Variants in MECOM observed in about 807,000 individuals in gnomAD.
MECOM encodes the protein histone-lysine N-methyltransferase MECOM.
In MECOM, 13 loss-of-function variants were observed where a neutral mutation model predicts 116.3. The ratio of observed to expected loss-of-function variants is 0.11; its 90% CI spans 0.07 to 0.18. The LOEUF is 0.18. MECOM is among the 10% of genes least tolerant of loss of function. The pLI, the probability that MECOM is intolerant of heterozygous loss-of-function variation, is 1.00. For missense variants in MECOM, 1,299 were observed against 1,509.0 expected, an observed-to-expected ratio of 0.86 and a Z score of 2.31; for synonymous variants, 528 against 535.2, an observed-to-expected ratio of 0.99 and a Z score of 0.19.
At chr3:169,353,540 AACC>A (rs1726744346) in intron 2 of MECOM, among the ~76,000 whole-genome samples, 1 of 151,832 alleles carries the variant, frequency 6.6e-6, no homozygotes, top group Non-Finnish European at 1.5e-5. Flanking sequence ...ACTCCAAGTT[AACC>A]CTAAATAAGT....
intron 16 of MECOM, among the ~76,000 whole-genome samples, chr3:169,085,849 A>T (rs1447961238): frequency 6.6e-6 from 1 of 152,222 alleles, no homozygotes; most frequent in East Asian, 1.9e-4. Flanking sequence ...GCCAAGCAAA[A>T]TATTCAAATG....
At chr3:169,096,072 T>C (rs73166190) in intron 12 of MECOM, among the ~76,000 whole-genome samples, 11,128 of 152,208 alleles carry the variant, frequency 0.073, 523 homozygotes, top group South Asian at 0.2. Flanking sequence ...AGTTTTCCTT[T>C]AGTCATAAAA....
intron 2 of MECOM, among the ~76,000 whole-genome samples, chr3:169,236,567 G>A (rs1381110631): frequency 6.6e-6 from 1 of 152,064 alleles, no homozygotes; most frequent in Non-Finnish European, 1.5e-5. Context: ...TGTATATTGT[G>A]TATATTTCAT....
At chr3:169,261,790 A>C (rs894848003) in intron 2 of MECOM, among the ~76,000 whole-genome samples, 7 of 152,196 alleles carry the variant, frequency 4.6e-5, no homozygotes, top group Non-Finnish European at 8.8e-5. Context: ...AAGAAGAAGA[A>C]TATGTCAGTG....
At chr3:169,458,427 C>G (rs1028365329) in intron 1 of MECOM, among the ~76,000 whole-genome samples, 2 of 152,186 alleles carry the variant, frequency 1.3e-5, no homozygotes, top group African/African-American at 4.8e-5. Flanking sequence ...TATCCAACAG[C>G]GCCGAGATAT....
At position 169,465,188 on chromosome 3, in the gene MECOM, G is replaced by T. The variant is rs190631294; in HGVS notation, c.38-83664C>A. Among the ~76,000 whole-genome samples the T allele has an allele frequency of 1.1e-3, 175 of 152,186 alleles. 2 individuals carry two copies. Among genetic ancestry groups the T allele is most frequent in the African/African-American group, 3.7e-3 (155 of 41,516 alleles). On this transcript the variant is annotated intron_variant, in intron 1 of 16. Coordinates refer to ENST00000651503, the MANE Select transcript of MECOM (RefSeq NM_004991.4). ...ATTCTTAAGACAGCCTTGTTTAAAG[G>T]TTAAGAGCATGAATTCTGGGGCTGA...
In MECOM at chr3:169,662,350, C is replaced by A. The variant is rs1460323190; in HGVS notation, c.37+986G>T. On this transcript the variant is annotated intron_variant, in intron 1 of 16. Coordinates refer to ENST00000651503, the MANE Select transcript of MECOM (RefSeq NM_004991.4). ...GCCCAACGCTCTGGCAGCCCGCCCC[C>A]TGGGGTTTGCTCGGCGCCCAGCAAG... is the stretch of plus-strand genomic sequence containing the variant. 2.0e-5 allele frequency among the ~76,000 whole-genome samples: 3 copies of A among 152,318 alleles called. No individual in the cohort carries two copies. In the South Asian group the frequency reaches 6.2e-4, roughly 32 times the overall value.
intron 1 of MECOM, among the ~76,000 whole-genome samples, chr3:169,474,986 G>A (rs1390934063): frequency 6.6e-6 from 1 of 152,102 alleles, no homozygotes; most frequent in Non-Finnish European, 1.5e-5. Context: ...GCTAGTAGGG[G>A]CCAAGCTGAG....
At chr3:169,340,770 T>C (rs1724364572) in intron 2 of MECOM, among the ~76,000 whole-genome samples, 1 of 152,144 alleles carries the variant, frequency 6.6e-6, no homozygotes, top group Admixed American at 6.5e-5. Context: ...GTGTGTCAGC[T>C]CCAATGTGAC....
intron 2 of MECOM, among the ~76,000 whole-genome samples, chr3:169,375,952 C>A (rs116827288): frequency 0.013 from 2,020 of 152,228 alleles, 17 homozygotes; most frequent in Non-Finnish European, 0.023. Context: ...CAAATTGAAT[C>A]CAGCAGCACA....
chr3:169,645,171 T>C (rs1041484817), intron 1 of MECOM, among the ~76,000 whole-genome samples: 15 of 152,216 alleles, frequency 9.9e-5, no homozygotes, highest in Admixed American at 7.2e-4. Context: ...CTGTGACTGA[T>C]AGCATTGATT....
chr3:169,603,080 A>G (rs935552242), intron 1 of MECOM, among the ~76,000 whole-genome samples: 38 of 152,216 alleles, frequency 2.5e-4, no homozygotes, highest in African/African-American at 8.9e-4. Context: ...AACAAATTAT[A>G]TACAGTCACA....
At chr3:169,533,266 A>G (rs1758879542) in intron 1 of MECOM, among the ~76,000 whole-genome samples, 1 of 152,148 alleles carries the variant, frequency 6.6e-6, no homozygotes, top group African/African-American at 2.4e-5. Context: ...TCTTTGTTTT[A>G]TCAAGACCTG....
intron 1 of MECOM, among the ~76,000 whole-genome samples, chr3:169,520,293 T>C (rs1757194263): frequency 6.6e-6 from 1 of 152,236 alleles, no homozygotes; most frequent in African/African-American, 2.4e-5. Flanking sequence ...TAAGTAAATT[T>C]GAATTGGGCA....
chr3:169,346,754 G>A (rs1249823425), intron 2 of MECOM, among the ~76,000 whole-genome samples: 2 of 152,114 alleles, frequency 1.3e-5, no homozygotes, highest in East Asian at 3.9e-4. Context: ...ACACCATGCT[G>A]GTGTGTAAGA....
chr3:169,435,240 A>T (rs1742444731), intron 1 of MECOM, among the ~76,000 whole-genome samples: 1 of 152,212 alleles, frequency 6.6e-6, no homozygotes, highest in Non-Finnish European at 1.5e-5. Context: ...TTCCTTAACT[A>T]GCTCCTGGGT....
intron 2 of MECOM, among the ~76,000 whole-genome samples, chr3:169,282,988 A>G (rs910690897): frequency 6.6e-6 from 1 of 151,512 alleles, no homozygotes; most frequent in African/African-American, 2.4e-5. Flanking sequence ...TTTTTTTTCC[A>G]TGGGGACAAT....
At chr3:169,146,508 T>A in intron 2 of MECOM, 1 of 1,380,228 alleles carries the variant, frequency 7.2e-7, no homozygotes, top group Non-Finnish European at 9.6e-7. Flanking sequence ...CGGAGACGTG[T>A]CCAGACCGCA....
intron 1 of MECOM, among the ~76,000 whole-genome samples, chr3:169,584,155 A>G (rs1278746399): frequency 6.6e-6 from 1 of 152,224 alleles, no homozygotes; most frequent in East Asian, 1.9e-4. Context: ...ATAAAGACAT[A>G]GAAGATATTC....
Sources: gnomAD v4.1 joint callset for allele counts (sites outside exome capture counted in the v4.1 genomes callset) on GRCh38, gnomAD v4.1.1 for gene constraint, MANE v1.5 for transcripts, NCBI Gene and HGNC (gene_info 2026-07-23, HGNC 2026-07-21) for gene names.